The following KALRN variants were observed in gnomAD, a reference collection of about 807,000 sequenced individuals.
KALRN encodes the protein kalirin.
A neutral mutation model predicts 353.7 loss-of-function variants in KALRN; 70 were observed. That is an observed-to-expected ratio of 0.20 (90% confidence interval 0.16 to 0.24). KALRN has a LOEUF of 0.24. KALRN is among the 10% of genes least tolerant of loss of function. The pLI, the probability that KALRN is intolerant of heterozygous loss-of-function variation, is 1.00. For synonymous variants in KALRN, 1,391 were observed against 1,434.8 expected (o/e 0.97, Z 0.69); for missense variants, 2,791 against 3,756.7 (o/e 0.74, Z 6.72).
chr3:124,126,256 C>A (rs1286752724), intron 1 of KALRN, among the ~76,000 whole-genome samples: 4 of 151,726 alleles, frequency 2.6e-5, no homozygotes, highest in Non-Finnish European at 5.9e-5. Context: ...AGATATATAT[C>A]AATCAGAAGG....
chr3:124,701,003 G>A (rs933592822), intron 56 of KALRN, among the ~76,000 whole-genome samples: 21 of 152,220 alleles, frequency 1.4e-4, no homozygotes, highest in Non-Finnish European at 1.6e-4. Flanking sequence ...GCCGCCTTCA[G>A]TCTCAGCCAG....
At chr3:124,034,883 TG>T (rs1013618273) in intron 1 of KALRN, among the ~76,000 whole-genome samples, 1 of 151,946 alleles carries the variant, frequency 6.6e-6, no homozygotes, top group African/African-American at 2.4e-5. Flanking sequence ...CATGAACTGG[TG>T]GGGGTCAGGG....
chr3:124,706,803 C>T (rs1236667434), intron 57 of KALRN, among the ~76,000 whole-genome samples: 1 of 151,814 alleles, frequency 6.6e-6, no homozygotes, highest in Admixed American at 6.6e-5. Context: ...CTCTTGACCT[C>T]AGGTGATCCG....
chr3:124,720,637 T>G lies in KALRN; in HGVS notation c.*1167T>G, dbSNP rs765879060. 6.6e-6 allele frequency: 1 copy of G among 152,608 alleles called. No individual in the cohort carries two copies. Among genetic ancestry groups the G allele is most frequent in the African/African-American group, 2.4e-5 (1 of 41,468 alleles). 9.5% of individuals were successfully genotyped at this position (152,608 alleles called of 1,614,324 possible). A position where few individuals can be genotyped will look rare whatever the true frequency, so the allele number is the denominator to read the frequency against. On this transcript the variant is annotated 3_prime_UTR_variant, in exon 60 of 60. Coordinates refer to ENST00000682506, the MANE Select transcript of KALRN (RefSeq NM_001388419.1). Reference sequence around the variant, plus strand: ...TACATCACCCTAACAGAGCATTAAGTTGTAACTGAGATTGCAATACCTGTC... The same window carrying G: ...TACATCACCCTAACAGAGCATTAAGGTGTAACTGAGATTGCAATACCTGTC...
intron 1 of KALRN, among the ~76,000 whole-genome samples, chr3:124,208,303 A>G (rs1409499922): frequency 6.6e-6 from 1 of 152,188 alleles, no homozygotes; most frequent in Non-Finnish European, 1.5e-5. Flanking sequence ...AATTGCTTTG[A>G]CCTTGAGCTT....
At chr3:124,487,507 A>G (rs939490237) in intron 28 of KALRN, among the ~76,000 whole-genome samples, 1 of 152,202 alleles carries the variant, frequency 6.6e-6, no homozygotes, top group Non-Finnish European at 1.5e-5. Context: ...AGGCCCCTGC[A>G]TAGCCTCCAC....
At chr3:124,069,125 T>A (rs2042623762) in intron 1 of KALRN, among the ~76,000 whole-genome samples, 1 of 151,948 alleles carries the variant, frequency 6.6e-6, no homozygotes, top group South Asian at 2.1e-4. Flanking sequence ...TCATTAATCT[T>A]TAAAATGACC....
intron 1 of KALRN, among the ~76,000 whole-genome samples, chr3:124,128,206 T>G (rs758975788): frequency 2.0e-5 from 3 of 152,194 alleles, no homozygotes; most frequent in Non-Finnish European, 4.4e-5. Context: ...TCTCAAGTTA[T>G]TAATTATTAC....
intron 33 of KALRN, among the ~76,000 whole-genome samples, chr3:124,526,792 C>T (rs757888064): frequency 2.2e-4 from 33 of 152,168 alleles, no homozygotes; most frequent in Non-Finnish European, 2.8e-4. Context: ...CTAATACCTC[C>T]CCCAGAGGCC....
At chr3:124,237,165 C>T (rs4525806) in intron 3 of KALRN, among the ~76,000 whole-genome samples, 14,116 of 152,226 alleles carry the variant, frequency 0.093, 1,834 homozygotes, top group East Asian at 0.64. Context: ...ATATTTGCCA[C>T]TTTCTTCTTT....
intron 1 of KALRN, among the ~76,000 whole-genome samples, chr3:124,106,249 A>T (rs2062300897): frequency 6.6e-6 from 1 of 152,184 alleles, no homozygotes; most frequent in Admixed American, 6.5e-5. Context: ...AAGTAGAAAA[A>T]GTGAAAAATG....
chr3:124,261,041 G>A (rs1173296259), intron 3 of KALRN, among the ~76,000 whole-genome samples: 1 of 127,184 alleles, frequency 7.9e-6, no homozygotes, highest in Non-Finnish European at 1.7e-5. Context: ...CTGAGCTTGG[G>A]TTTTCTTTTT....
chr3:124,585,671 A>G (rs1312778263), intron 34 of KALRN, among the ~76,000 whole-genome samples: 1 of 152,210 alleles, frequency 6.6e-6, no homozygotes, highest in Admixed American at 6.5e-5. Context: ...ACCTTCCCAA[A>G]TAGGATAAGC....
Position 124,097,580 on chromosome 3 carries a change from TAA to T in KALRN, c.73+63768_73+63769del, listed in dbSNP as rs1222194598. On this transcript the variant is annotated intron_variant, in intron 1 of 59. Coordinates refer to ENST00000682506, the MANE Select transcript of KALRN (RefSeq NM_001388419.1). ...CACTCACTTGGCTGTGACTGGAGGA[TAA>T]GTGAATCTGTGATTTGACACACCTA... Among the ~76,000 whole-genome samples, 43 of 152,292 alleles carry T rather than the reference TAA, an allele frequency of 2.8e-4. 1 individual carries two copies. The highest frequency in any genetic ancestry group is 2.7e-3 in the Admixed American group (41 of 15,298).
chr3:124,256,603 A>T (rs774552628), intron 3 of KALRN, among the ~76,000 whole-genome samples: 2 of 152,174 alleles, frequency 1.3e-5, no homozygotes, highest in Non-Finnish European at 2.9e-5. Context: ...ACCATTAGTG[A>T]AAACGATCAG....
intron 57 of KALRN, among the ~76,000 whole-genome samples, chr3:124,709,026 G>A (rs1309324849): frequency 6.6e-6 from 1 of 151,868 alleles, no homozygotes; most frequent in Non-Finnish European, 1.5e-5. Context: ...TCTAAATCTA[G>A]CAAAAATATC....
At chr3:124,614,205 T>C (rs775494016) in intron 34 of KALRN, among the ~76,000 whole-genome samples, 61 of 152,216 alleles carry the variant, frequency 4.0e-4, no homozygotes, top group Non-Finnish European at 7.6e-4. Flanking sequence ...CTAGTTCTAG[T>C]CTTTAGTGTA....
At chr3:124,605,584 A>AGGAGAG (rs377624275) in intron 34 of KALRN, among the ~76,000 whole-genome samples, 1 of 132,156 alleles carries the variant, frequency 7.6e-6, no homozygotes, top group African/African-American at 3.4e-5. Flanking sequence ...AAAAAAAAAA[A>AGGAGAG]AAAGAGAGAG....
chr3:124,270,446 T>C (rs2074009530), intron 5 of KALRN, among the ~76,000 whole-genome samples: 1 of 152,242 alleles, frequency 6.6e-6, no homozygotes, highest in Admixed American at 6.5e-5. Flanking sequence ...GGCAGGCTTA[T>C]GGTTGATTTT....
Sources: gnomAD v4.1 joint callset for allele counts (sites outside exome capture counted in the v4.1 genomes callset) on GRCh38, gnomAD v4.1.1 for gene constraint, MANE v1.5 for transcripts, NCBI Gene and HGNC (gene_info 2026-07-23, HGNC 2026-07-21) for gene names.